The following DCDC1 variants were observed in gnomAD, a reference collection of about 807,000 sequenced individuals.
The protein encoded by DCDC1 is doublecortin domain containing 1.
DCDC1 carries 200 observed loss-of-function variants against 178.3 expected under a neutral mutation model. The ratio of observed to expected loss-of-function variants is 1.12; its 90% CI spans 1.00 to 1.26. The LOEUF is 1.26. Among genes scored for constraint, DCDC1 ranks in the 50% most tolerant of loss-of-function variants. The probability of loss-of-function intolerance (pLI) is 0.00; values close to 1 mark genes in which losing one functional copy is unlikely to be tolerated. For synonymous variants in DCDC1, 690 were observed against 604.8 expected, an observed-to-expected ratio of 1.14 and a Z score of -2.07; for missense variants, 1,983 against 1,749.2, an observed-to-expected ratio of 1.13 and a Z score of -2.38.
At chr11:31,358,260 G>A (rs991157310) in intron 1 of DCDC1, among the ~76,000 whole-genome samples, 5 of 151,988 alleles carry the variant, frequency 3.3e-5, no homozygotes, top group Admixed American at 6.6e-5. Context: ...ATGGAACAGA[G>A]CAGAGCCCTC....
chr11:31,249,844 C>G (rs1296431123), intron 8 of DCDC1, among the ~76,000 whole-genome samples: 2 of 152,114 alleles, frequency 1.3e-5, no homozygotes, highest in African/African-American at 4.8e-5. Flanking sequence ...TATCCATAAG[C>G]CTAATCTTAA....
intron 9 of DCDC1, among the ~76,000 whole-genome samples, chr11:31,179,727 T>C (rs1193583112): frequency 2.0e-5 from 3 of 152,124 alleles, no homozygotes; most frequent in East Asian, 1.9e-4. Context: ...CTAATACCAA[T>C]TCTCAAACTC....
intron 12 of DCDC1, among the ~76,000 whole-genome samples, 196 bp from the exon 13 acceptor site, chr11:31,107,156 C>T (rs1958905379): frequency 6.6e-6 from 1 of 152,156 alleles, no homozygotes; most frequent in African/African-American, 2.4e-5. Context: ...TGAGCATGGG[C>T]TTTTAACCAG....
chr11:31,093,175 A>G (rs1312022447), intron 16 of DCDC1, among the ~76,000 whole-genome samples: 1 of 152,232 alleles, frequency 6.6e-6, no homozygotes, highest in African/African-American at 2.4e-5. Context: ...GCTCATGTAA[A>G]CTTACTATGC....
intron 36 of DCDC1, among the ~76,000 whole-genome samples, chr11:30,887,556 T>C (rs1308302667): frequency 2.0e-5 from 3 of 152,226 alleles, no homozygotes; most frequent in Admixed American, 2.0e-4. Flanking sequence ...AAATATACCT[T>C]GATGTCTAGA....
chr11:31,215,041 T>C (rs7119842), intron 9 of DCDC1: 41,641 of 158,594 alleles, frequency 0.26, 5,640 homozygotes, highest in African/African-American at 0.32. Context: ...ACAAGTGAGT[T>C]ATTTCATCAA....
Position 31,110,294 on chromosome 11 carries a change from T to C in DCDC1, c.1553A>G (p.Asp518Gly), listed in dbSNP as rs1389842566. The change falls in exon 12 of 39, where the codon GAT (aspartate) becomes GGT (glycine). Residue 518 changes from aspartate to glycine, a missense_variant. Asp to Gly is a moderately conservative substitution (Grantham distance 94, BLOSUM62 -1). Coordinates refer to ENST00000684477, the MANE Select transcript of DCDC1 (RefSeq NM_001387274.1). ...VGISKKDLGSDSPIQTDHMME... is the reference protein window; with the variant it reads ...VGISKKDLGSGSPIQTDHMME... ...CATATGGTCAGTTTGAATTGGGCTA[T>C]CCGATCCCAAATCTTTTTTACTGAT... The C allele has an allele frequency of 5.6e-6, 4 of 715,460 alleles. No homozygotes were observed. The Admixed American group carries it at 7.7e-5, about 14-fold the overall frequency. The allele number at this position is 715,460 out of a possible 1,614,324, so 44.3% of individuals were successfully genotyped here.
chr11:30,894,186 G>C (rs1944013095), intron 35 of DCDC1, 62 bp downstream of exon 35: 1 of 1,559,120 alleles, frequency 6.4e-7, no homozygotes. Context: ...ATTCAATATT[G>C]TACTTTTAAA....
intron 1 of DCDC1, among the ~76,000 whole-genome samples, chr11:31,364,566 A>G (rs1444237600): frequency 1.3e-5 from 2 of 152,210 alleles, no homozygotes; most frequent in African/African-American, 4.8e-5. Context: ...GAACTGACAC[A>G]TAATGCTAAA....
chr11:31,217,465 T>C (rs192951044), intron 9 of DCDC1, among the ~76,000 whole-genome samples: 1 of 152,304 alleles, frequency 6.6e-6, no homozygotes, highest in Admixed American at 6.5e-5. Context: ...TATATATGTA[T>C]ACAAAGGAAG....
At position 31,255,494 on chromosome 11, in the gene DCDC1, T is replaced by C. The variant is rs1944355323; in HGVS notation, c.1054+10013A>G. ...TTCTCTGTGTGTGTGTGTGAGTATG[T>C]GTGTGTGAGTTTTATTATAGCCATC... On this transcript the variant is annotated intron_variant, in intron 8 of 38. Coordinates refer to ENST00000684477, the MANE Select transcript of DCDC1 (RefSeq NM_001387274.1). 2.6e-5 allele frequency among the ~76,000 whole-genome samples: 4 copies of C among 152,158 alleles called. 1 individual carries two copies. In the South Asian group the frequency reaches 8.3e-4, roughly 32 times the overall value.
At chr11:31,336,108 A>G (rs1287623109) in intron 1 of DCDC1, among the ~76,000 whole-genome samples, 1 of 152,234 alleles carries the variant, frequency 6.6e-6, no homozygotes, top group Non-Finnish European at 1.5e-5. Flanking sequence ...ATAAATAAGC[A>G]AATTGTACAG....
intron 20 of DCDC1, among the ~76,000 whole-genome samples, chr11:30,986,683 G>A (rs941067430): frequency 1.3e-5 from 2 of 151,996 alleles, no homozygotes; most frequent in African/African-American, 4.8e-5. Context: ...CTGGAGACTG[G>A]GGTGTTAAGT....
chr11:31,213,234 G>A (rs554448767), intron 9 of DCDC1, among the ~76,000 whole-genome samples: 3 of 147,310 alleles, frequency 2.0e-5, no homozygotes, highest in Admixed American at 6.9e-5. Flanking sequence ...CTTCACCCCA[G>A]TCTGGTTGGA....
intron 3 of DCDC1, among the ~76,000 whole-genome samples, chr11:31,311,722 C>T (rs1326546984): frequency 6.6e-6 from 1 of 152,146 alleles, no homozygotes; most frequent in Non-Finnish European, 1.5e-5. Flanking sequence ...AAGAATTTAA[C>T]ACAAACAACT....
At chr11:30,881,983 T>G (rs1348907471) in intron 36 of DCDC1, 3 of 153,790 alleles carry the variant, frequency 2.0e-5, no homozygotes, top group African/African-American at 7.2e-5. Context: ...AAAATGTGAA[T>G]AAAACTTTAA....
chr11:31,302,177 C>G (rs1229525023), intron 6 of DCDC1, among the ~76,000 whole-genome samples: 2 of 152,260 alleles, frequency 1.3e-5, no homozygotes, highest in East Asian at 3.9e-4. Context: ...ATAGTGTTTT[C>G]TCCTCATCTT....
At chr11:30,884,829 A>C (rs923064819) in intron 36 of DCDC1, among the ~76,000 whole-genome samples, 2 of 152,074 alleles carry the variant, frequency 1.3e-5, no homozygotes, top group African/African-American at 2.4e-5. Context: ...ACCACAGCCT[A>C]GTTGCAGAAA....
chr11:31,265,512 G>T lies in DCDC1; in HGVS notation c.1049C>A (p.Ser350Ter). 1 of 1,410,636 alleles carries T rather than the reference G, an allele frequency of 7.1e-7. No individual in the cohort carries two copies. Among genetic ancestry groups the T allele is most frequent in the Non-Finnish European group, 9.4e-7 (1 of 1,068,736 alleles). 87.4% of individuals were successfully genotyped at this position (1,410,636 alleles called of 1,614,324 possible). A position where few individuals can be genotyped will look rare whatever the true frequency, so the allele number is the denominator to read the frequency against. The stretch of plus-strand genomic sequence containing the variant: ...ACAAAATCTTTGCCACTTACCTTTT[G>T]AAATATCTTCAATTTTTCTGCCATA... ...DLYGRKIEDI[S>*]KVPLLEKCLQ... Residue 350 changes from serine (S) to a stop codon, truncating the protein, a stop_gained, in exon 8 of 39, where the codon TCA (serine) becomes TAA (stop). Coordinates refer to ENST00000684477, the MANE Select transcript of DCDC1 (RefSeq NM_001387274.1). LOFTEE classifies it high-confidence loss of function.
Sources: allele counts gnomAD v4.1 joint callset (sites outside exome capture counted in the v4.1 genomes callset), GRCh38; gene constraint gnomAD v4.1.1; transcripts MANE v1.5; gene names NCBI Gene and HGNC (gene_info 2026-07-23, HGNC 2026-07-21).